TRPM3: variants seen among roughly 807,000 people sequenced by gnomAD.
TRPM3 encodes transient receptor potential cation channel subfamily M member 3, also known as long transient receptor potential channel 3.
TRPM3 carries 77 observed loss-of-function variants against 181.2 expected under a neutral mutation model. The observed-to-expected ratio is 0.42, with a 90% CI of 0.35 to 0.51. TRPM3 has a LOEUF of 0.51. Ranked by LOEUF, TRPM3 falls within the 20% of genes least tolerant of loss-of-function variation. The probability of loss-of-function intolerance (pLI) is 0.01; values close to 1 mark genes in which losing one functional copy is unlikely to be tolerated. For missense variants in TRPM3, 1,759 were observed against 2,196.7 expected (o/e 0.80, Z 3.98); for synonymous variants, 745 against 796.4 (o/e 0.94, Z 1.09).
At chr9:71,189,350 A>G (rs951777068) in intron 1 of TRPM3, among the ~76,000 whole-genome samples, 2 of 151,866 alleles carry the variant, frequency 1.3e-5, no homozygotes, top group Admixed American at 6.6e-5. Context: ...TGAACAGCAT[A>G]TATGGTACAT....
intron 1 of TRPM3, among the ~76,000 whole-genome samples, chr9:70,871,686 A>G (rs2095792365): frequency 6.6e-6 from 1 of 152,036 alleles, no homozygotes; most frequent in African/African-American, 2.4e-5. Flanking sequence ...ATAGATCTGC[A>G]TAAAATCTTG....
chr9:70,601,917 C>T (rs1377153133), intron 20 of TRPM3, among the ~76,000 whole-genome samples: 1 of 152,172 alleles, frequency 6.6e-6, no homozygotes, highest in African/African-American at 2.4e-5. Context: ...TGCCAGCTGG[C>T]ACAGCACAGC....
rs186289876 is a variant in TRPM3, at chr9:70,922,486, A to T, written c.178-57975T>A. ...TTAATGTTATATAATTTATATCTTC[A>T]TAAAGCTGTTAAAAATGGACTTTAA... On this transcript the variant is annotated intron_variant, in intron 1 of 25. Coordinates refer to ENST00000677713, the MANE Select transcript of TRPM3 (RefSeq NM_001366145.2). 2.6e-3 allele frequency among the ~76,000 whole-genome samples: 398 copies of T among 152,356 alleles called. 1 individual carries two copies. The highest frequency in any genetic ancestry group is 4.1e-3 in the Non-Finnish European group (281 of 68,036).
chr9:71,287,399 A>G lies in TRPM3; in HGVS notation c.183+159254T>C, dbSNP rs780929273. Among the ~76,000 whole-genome samples, 139 of 151,924 alleles carry G rather than the reference A, an allele frequency of 9.1e-4. 1 individual carries two copies. Among genetic ancestry groups the G allele is most frequent in the Non-Finnish European group, 1.9e-4 (13 of 67,956 alleles). On this transcript the variant is annotated intron_variant, in intron 1 of 24. Coordinates refer to the TRPM3 transcript ENST00000357533. Reference sequence around the variant, plus strand: ...TCATGGCTGCATATAAGATTTTTATACTGGCAATCACTATGAGGCTGTCCC... The same window carrying G: ...TCATGGCTGCATATAAGATTTTTATGCTGGCAATCACTATGAGGCTGTCCC...
chr9:70,618,925 A>G lies in TRPM3; in HGVS notation c.2300T>C (p.Met767Thr), dbSNP rs1387907990. The change falls in exon 17 of 26, where the codon ATG becomes ACG. Residue 767 changes from methionine to threonine, a missense_variant. Coordinates refer to ENST00000677713, the MANE Select transcript of TRPM3 (RefSeq NM_001366145.2). ...GCCCATCCACATGTCGGTGAGCAGC[A>G]TCTGGCTGCACGTGTGCGCGATGAA... ...RDFIAHTCSQ[M>T]LLTDMWMGRL... 5 of 1,612,812 alleles carry G rather than the reference A, an allele frequency of 3.1e-6. No individual in the cohort carries two copies. The highest frequency in any genetic ancestry group is 1.3e-5 in the African/African-American group (1 of 74,960).
Position 70,530,984 on chromosome 9 carries a change from G to A in TRPM3, c.*4969C>T, listed in dbSNP as rs920147941. ...TGCTTCATCAGACACCCAAACACAC[G>A]CCTCCCACCCCCAAGGTGAAGAAGC... On this transcript the variant is annotated 3_prime_UTR_variant, in exon 26 of 26. Coordinates refer to ENST00000677713, the MANE Select transcript of TRPM3 (RefSeq NM_001366145.2). 2.6e-5 allele frequency: 4 copies of A among 152,014 alleles called. No individual in the cohort carries two copies. Among genetic ancestry groups the A allele is most frequent in the Non-Finnish European group, 4.4e-5 (3 of 68,016 alleles). The allele number at this position is 152,014 out of a possible 1,614,324, so 9.4% of individuals were successfully genotyped here.
rs2041617133 is a variant in TRPM3 at position 70,535,978 on chromosome 9, T to C, written c.5135A>G (p.Gln1712Arg). The C allele has an allele frequency of 3.7e-6, 6 of 1,604,498 alleles. No homozygotes were observed. The East Asian group carries it at 1.3e-4, about 36-fold the overall frequency. Reference sequence around the variant, plus strand: ...TTAGTTGTGCTTGCTTTCAAAGCTTTGGAAAGCCGATGTTCTGGACAGTCT... The same window carrying C: ...TTAGTTGTGCTTGCTTTCAAAGCTTCGGAAAGCCGATGTTCTGGACAGTCT... ...MRRLSRTSAF[Q>R]SFESKHN Residue 1712 changes from glutamine to arginine, a missense_variant, in exon 26 of 26, where the codon CAA (glutamine) becomes CGA (arginine). Physicochemically the swap from Gln to Arg is conservative, Grantham distance 43. Transcript: ENST00000677713.
chr9:71,218,394 AT>A (rs765258171), intron 1 of TRPM3, among the ~76,000 whole-genome samples: 22 of 152,350 alleles, frequency 1.4e-4, no homozygotes, highest in African/African-American at 2.6e-4. Context: ...TTTTATAACC[AT>A]TTTTAGATGA....
In TRPM3 at chr9:70,545,548, C is replaced by CTTTTTTTTTTTTT. The variant is rs5898150; in HGVS notation, c.3707+3981_3707+3993dup. Among the ~76,000 whole-genome samples the CTTTTTTTTTTTTT allele has an allele frequency of 7.9e-5, 9 of 113,338 alleles. 1 individual carries two copies. The highest frequency in any genetic ancestry group is 1.2e-4 in the Non-Finnish European group (7 of 57,570). 74.4% of individuals were successfully genotyped at this position (113,338 alleles called of 152,430 possible). A position where few individuals can be genotyped will look rare whatever the true frequency, so the allele number is the denominator to read the frequency against. On this transcript the variant is annotated intron_variant, in intron 25 of 25. Transcript: ENST00000677713. Reference sequence around the variant, plus strand: ...AGAGAAAAGAATTTTAATTTTCTTTCTTTTTTTTTTTTTTTTGAAGTGGAG... The same window carrying CTTTTTTTTTTTTT: ...AGAGAAAAGAATTTTAATTTTCTTTCTTTTTTTTTTTTTTTTTTTTTTTTTTTTTGAAGTGGAG...
chr9:70,841,642 A>ATCCCAC (rs2094644788), intron 5 of TRPM3, among the ~76,000 whole-genome samples: 3 of 130,952 alleles, frequency 2.3e-5, no homozygotes, highest in African/African-American at 1.0e-4. Context: ...ATATATATAT[A>ATCCCAC]TATATATATA....
chr9:71,237,101 G>GAAAGGGA (rs2081405202), intron 1 of TRPM3, among the ~76,000 whole-genome samples: 1 of 150,668 alleles, frequency 6.6e-6, no homozygotes. Flanking sequence ...GGGGGATGGG[G>GAAAGGGA]AAAGGGGAAA....
intron 8 of TRPM3, among the ~76,000 whole-genome samples, chr9:70,686,690 C>CTTCTTTCCTTCCTTCCTTCCTTCT (rs1563994365): frequency 2.0e-4 from 8 of 40,442 alleles, no homozygotes; most frequent in African/African-American, 7.6e-4. Context: ...TCCTTCTTTC[C>CTTCTTTCCTTCCTTCCTTCCTTCT]TTCCTTCCTT....
intron 1 of TRPM3, among the ~76,000 whole-genome samples, chr9:71,013,520 A>G (rs1480636441): frequency 2.0e-5 from 3 of 151,882 alleles, no homozygotes; most frequent in Admixed American, 2.0e-4. Flanking sequence ...GGGATGATCA[A>G]GTCTCTGAAG....
At chr9:71,331,573 C>G (rs1235768607) in intron 1 of TRPM3, among the ~76,000 whole-genome samples, 1 of 150,248 alleles carries the variant, frequency 6.7e-6, no homozygotes, top group Non-Finnish European at 1.5e-5. Flanking sequence ...ACTAAGCATG[C>G]TTTTTACATT....
Position 70,618,914 on chromosome 9 carries a change from C to T in TRPM3, c.2311G>A (p.Asp771Asn), listed in dbSNP as rs759811607. 21 of 1,611,620 alleles carry T rather than the reference C, an allele frequency of 1.3e-5. No homozygotes were observed. Among genetic ancestry groups the T allele is most frequent in the Non-Finnish European group, 1.6e-5 (19 of 1,179,936 alleles). ...AHTCSQMLLT[D>N]MWMGRLRMRK... The stretch of plus-strand genomic sequence containing the variant: ...ATGCGGAGCCGGCCCATCCACATGT[C>T]GGTGAGCAGCATCTGGCTGCACGTG... The change falls in exon 17 of 26, where the codon GAC becomes AAC. Residue 771 changes from aspartate (D) to asparagine (N), a missense_variant. Asp to Asn is a conservative substitution (Grantham distance 23). Coordinates refer to ENST00000677713, the MANE Select transcript of TRPM3 (RefSeq NM_001366145.2).
intron 22 of TRPM3, among the ~76,000 whole-genome samples, chr9:70,574,090 G>GCACACA (rs111292543): frequency 7.0e-6 from 1 of 143,264 alleles, no homozygotes; most frequent in East Asian, 2.0e-4. Flanking sequence ...ACACACGCGC[G>GCACACA]CGCACACACA....
At chr9:71,209,361 G>A (rs1002405531) in intron 1 of TRPM3, among the ~76,000 whole-genome samples, 1 of 100,984 alleles carries the variant, frequency 9.9e-6, no homozygotes, top group East Asian at 3.2e-4. Flanking sequence ...GAGGCAATGA[G>A]GGGGTGGGGG....
intron 7 of TRPM3, among the ~76,000 whole-genome samples, chr9:70,781,326 T>TG (rs2082387763): frequency 3.8e-5 from 4 of 106,114 alleles, no homozygotes; most frequent in African/African-American, 1.5e-4. Flanking sequence ...TTCCATTTCA[T>TG]AAAAAAAAAA....
At chr9:71,122,909 T>A (rs527880974), upstream of TRPM3, among the ~76,000 whole-genome samples, 20 of 152,336 alleles carry the variant, frequency 1.3e-4, no homozygotes, top group African/African-American at 4.8e-4. Flanking sequence ...CTGTTACTAT[T>A]CTATTTCCAC....
Sources: allele counts gnomAD v4.1 joint callset (sites outside exome capture counted in the v4.1 genomes callset), GRCh38; gene constraint gnomAD v4.1.1; transcripts MANE v1.5; gene names NCBI Gene and HGNC (gene_info 2026-07-23, HGNC 2026-07-21).